LIPM: variants seen among roughly 807,000 people sequenced by gnomAD.
LIPM encodes the protein lipase member M.
In LIPM, 42 loss-of-function variants were observed where a neutral mutation model predicts 42.4. That is an observed-to-expected ratio of 0.99 (90% CI 0.77 to 1.28). The LOEUF (loss-of-function observed/expected upper bound fraction) is 1.28, where lower values mean the gene tolerates loss of function less well. Among genes scored for constraint, LIPM ranks in the 50% most tolerant of loss-of-function variants. The pLI is 0.00. For synonymous variants in LIPM, 177 were observed against 173.3 expected (o/e 1.02, Z -0.17); for missense variants, 524 against 520.1 (o/e 1.01, Z -0.07).
At chr10:88,816,772 G>T in intron 6 of LIPM, 44 bp from the exon 7 acceptor site, 2 of 1,330,994 alleles carry the variant, frequency 1.5e-6, no homozygotes, top group East Asian at 2.5e-5. Context: ...TATACATCTT[G>T]TGAGTTTTTC....
At chr10:88,812,292 G>T (rs1236740657) in intron 2 of LIPM, among the ~76,000 whole-genome samples, 1 of 152,132 alleles carries the variant, frequency 6.6e-6, no homozygotes, top group African/African-American at 2.4e-5. Context: ...CATTAAGGTG[G>T]TATCTGCCAG....
In LIPM at chr10:88,820,440, T is replaced by C; in HGVS notation, c.1211T>C (p.Ile404Thr). The change falls in exon 9 of 9, where the codon ATC (isoleucine) becomes ACC (threonine). Residue 404 changes from isoleucine to threonine, a missense_variant. Physicochemically the swap from Ile to Thr is moderately conservative, Grantham distance 89. Coordinates refer to ENST00000404743, the MANE Select transcript of LIPM (RefSeq NM_001128215.1). ...DAPHRMYNEIIHLMQQEETNL... is the reference protein window; with the variant it reads ...DAPHRMYNEITHLMQQEETNL... ...CCTCACCGTATGTACAATGAAATCATCCATCTGATGCAGCAGGAGGAGACC... is the reference window on the plus strand; with the variant it reads ...CCTCACCGTATGTACAATGAAATCACCCATCTGATGCAGCAGGAGGAGACC... 1 of 1,552,046 alleles carries C rather than the reference T, an allele frequency of 6.4e-7. No individual in the cohort carries two copies. Among genetic ancestry groups the C allele is most frequent in the Non-Finnish European group, 8.7e-7 (1 of 1,147,064 alleles).
intron 1 of LIPM, among the ~76,000 whole-genome samples, 194 bp from the exon 2 acceptor site, chr10:88,808,104 G>A (rs767568973): frequency 1.1e-4 from 17 of 152,046 alleles, no homozygotes; most frequent in African/African-American, 2.2e-4. Context: ...ATTCTATTCC[G>A]GTTTCCATAT....
At chr10:88,805,998 G>A (rs567876623) in intron 1 of LIPM, 22 of 456,416 alleles carry the variant, frequency 4.8e-5, no homozygotes, top group South Asian at 1.2e-4. Context: ...CCTTTAGACC[G>A]CAAACAGGTC....
rs1010838014 is a variant in LIPM at position 88,820,531 on chromosome 10, C to A, written c.*30C>A. 3.3e-6 allele frequency: 5 copies of A among 1,537,896 alleles called. No individual in the cohort carries two copies. The highest frequency in any genetic ancestry group is 4.4e-6 in the Non-Finnish European group (5 of 1,141,800). ...TCTGACACTGACGATCTTAGGACAA[C>A]CTCCTGAGGGATGGGGCTAGGACCC... On this transcript the variant is annotated 3_prime_UTR_variant, in exon 9 of 9. Transcript: ENST00000404743.
chr10:88,803,889 G>T (rs1843557132), intron 1 of LIPM, among the ~76,000 whole-genome samples: 2 of 152,212 alleles, frequency 1.3e-5, no homozygotes, highest in East Asian at 3.9e-4. Flanking sequence ...TAAACACAAA[G>T]TCTATAATTA....
intron 1 of LIPM, among the ~76,000 whole-genome samples, chr10:88,804,725 G>A (rs1843565865): frequency 6.6e-6 from 1 of 152,162 alleles, no homozygotes; most frequent in Non-Finnish European, 1.5e-5. Flanking sequence ...CCATGGCAAT[G>A]GCCCAGAAGT....
At chr10:88,815,887 C>G (rs1006349763) in intron 6 of LIPM, among the ~76,000 whole-genome samples, 1 of 152,134 alleles carries the variant, frequency 6.6e-6, no homozygotes, top group Non-Finnish European at 1.5e-5. Context: ...CATCAGGGAC[C>G]TTCATTTTGG....
At chr10:88,805,348 G>A (rs1377009050) in intron 1 of LIPM, among the ~76,000 whole-genome samples, 1 of 152,222 alleles carries the variant, frequency 6.6e-6, no homozygotes, top group African/African-American at 2.4e-5. Context: ...TTGCTTGAGA[G>A]GGTGGTAGCA....
In LIPM at chr10:88,817,892, AT is replaced by A; in HGVS notation, c.999del (p.Gln334SerfsTer5). The A allele has an allele frequency of 6.4e-7, 1 of 1,550,738 alleles. No homozygotes were observed. Among genetic ancestry groups the A allele is most frequent in the South Asian group, 1.2e-5 (1 of 84,048 alleles). On this transcript the variant is annotated frameshift_variant, in exon 8 of 9. Transcript: ENST00000404743. LOFTEE classifies it low-confidence loss of function (END_TRUNC). Reference protein sequence around the residue: ...GSETKNLEKCNQPTPVRYRVR... With the variant: ...GSETKNLEKCXQPTPVRYRVR... Reference sequence around the variant, plus strand: ...GAGACCAAAAATCTGGAAAAATGCAATCAGGTAAGAAAATCAAATACCATCT... The same window carrying A: ...GAGACCAAAAATCTGGAAAAATGCAACAGGTAAGAAAATCAAATACCATCT...
intron 2 of LIPM, among the ~76,000 whole-genome samples, chr10:88,809,585 T>TTGC (rs1194383160): frequency 1.3e-5 from 2 of 152,216 alleles, no homozygotes; most frequent in African/African-American, 4.8e-5. Flanking sequence ...GTTAAGCAAC[T>TTGC]TGCCCAAAAC....
At position 88,815,193 on chromosome 10, in the gene LIPM, AATTTTT is replaced by A. The variant is rs754322232; in HGVS notation, c.681_686del (p.Phe228_Leu229del). ...AAGCATGCAAAAAGCCCCGGGACCA[AATTTTT>A]GTTGCTGCCAGATATGATGATCAAG... is the stretch of plus-strand genomic sequence containing the variant. On this transcript the variant is annotated inframe_deletion, in exon 5 of 9. Coordinates refer to ENST00000404743, the MANE Select transcript of LIPM (RefSeq NM_001128215.1). 93 of 1,551,852 alleles carry A rather than the reference AATTTTT, an allele frequency of 6.0e-5. No homozygotes were observed. The highest frequency in any genetic ancestry group is 7.6e-5 in the Non-Finnish European group (87 of 1,147,054).
chr10:88,815,245 C>T, intron 5 of LIPM, 21 bp downstream of exon 5: 32 of 1,548,678 alleles, frequency 2.1e-5, no homozygotes, highest in Non-Finnish European at 2.8e-5. Flanking sequence ...CCTCAGAAAA[C>T]TTCCTGTGTA....
chr10:88,804,041 C>A (rs1459307885), intron 1 of LIPM, among the ~76,000 whole-genome samples: 1 of 152,166 alleles, frequency 6.6e-6, no homozygotes, highest in South Asian at 2.1e-4. Flanking sequence ...TGTATTTATA[C>A]CGATTTAAGA....
In LIPM at chr10:88,815,193, A is replaced by T. The variant is rs568410938; in HGVS notation, c.680A>T (p.Lys227Ile). ...AAGCATGCAAAAAGCCCCGGGACCA[A>T]ATTTTTGTTGCTGCCAGATATGATG... ...TVKHAKSPGTKFLLLPDMMIK... is the reference protein window; with the variant it reads ...TVKHAKSPGTIFLLLPDMMIK... Residue 227 changes from lysine to isoleucine, a missense_variant, in exon 5 of 9, where the codon AAA (lysine) becomes ATA (isoleucine). By Grantham distance (102) the Lys-to-Ile change is moderately radical (BLOSUM62 -3). Transcript: ENST00000404743. The T allele has an allele frequency of 1.9e-6, 3 of 1,551,852 alleles. No homozygotes were observed. Among genetic ancestry groups the T allele is most frequent in the Non-Finnish European group, 1.7e-6 (2 of 1,147,054 alleles).
intron 5 of LIPM, 56 bp from the exon 6 acceptor site, chr10:88,815,301 A>T: frequency 1.3e-6 from 2 of 1,547,368 alleles, no homozygotes; most frequent in Non-Finnish European, 8.7e-7. Flanking sequence ...TAAACTTTTA[A>T]ATTACAGTCA....
chr10:88,820,471 T>C lies in LIPM; in HGVS notation c.1242T>C (p.Leu414=), dbSNP rs2133066292. 6.4e-7 allele frequency: 1 copy of C among 1,551,618 alleles called. No homozygotes were observed. The highest frequency in any genetic ancestry group is 8.7e-7 in the Non-Finnish European group (1 of 1,146,992). Residue 414 remains leucine, a synonymous_variant, in exon 9 of 9, where the codon CTT becomes CTC. Transcript: ENST00000404743. ...IHLMQQEETN[L]SQGRCEAVL ...TGATGCAGCAGGAGGAGACCAACCTTTCCCAGGGACGGTGTGAGGCCGTAT... is the reference window on the plus strand; with the variant it reads ...TGATGCAGCAGGAGGAGACCAACCTCTCCCAGGGACGGTGTGAGGCCGTAT...
rs1843703172 is a variant in LIPM at position 88,815,171 on chromosome 10, C to T, written c.658C>T (p.His220Tyr). The T allele has an allele frequency of 1.3e-6, 2 of 1,551,820 alleles. No individual in the cohort carries two copies. The highest frequency in any genetic ancestry group is 1.4e-5 in the African/African-American group (1 of 73,036). ...FALAPIATVK[H>Y]AKSPGTKFLL... ...TTTAGCACCCATAGCCACTGTTAAG[C>T]ATGCAAAAAGCCCCGGGACCAAATT... is the stretch of plus-strand genomic sequence containing the variant. Residue 220 changes from histidine to tyrosine, a missense_variant, in exon 5 of 9, where the codon CAT (histidine) becomes TAT (tyrosine). By Grantham distance (83) the His-to-Tyr change is moderately conservative (BLOSUM62 2). Transcript: ENST00000404743.
chr10:88,818,763 G>A (rs1353767787), intron 8 of LIPM, among the ~76,000 whole-genome samples: 1 of 152,194 alleles, frequency 6.6e-6, no homozygotes, highest in Non-Finnish European at 1.5e-5. Flanking sequence ...TGGACAAACT[G>A]TGCAGTGCCC....
Sources: allele counts gnomAD v4.1 joint callset (sites outside exome capture counted in the v4.1 genomes callset), GRCh38; gene constraint gnomAD v4.1.1; transcripts MANE v1.5; gene names NCBI Gene and HGNC (gene_info 2026-07-23, HGNC 2026-07-21).